Variants in FUBP3 observed in about 807,000 individuals in gnomAD.
FUBP3 encodes far upstream element-binding protein 3.
In FUBP3, 28 loss-of-function variants were observed where a neutral mutation model predicts 85.6. That is an observed-to-expected ratio of 0.33 (90% CI 0.24 to 0.45). FUBP3 has a LOEUF of 0.45. Among genes scored for constraint, FUBP3 ranks in the 20% least tolerant of loss-of-function variants. The pLI, the probability that FUBP3 is intolerant of heterozygous loss-of-function variation, is 1.00. For synonymous variants in FUBP3, 271 were observed against 271.4 expected (o/e 1.00, Z 0.01); for missense variants, 583 against 755.1 (o/e 0.77, Z 2.67).
At chr9:130,634,235 CTG>C (rs1830328121) in intron 16 of FUBP3, among the ~76,000 whole-genome samples, 1 of 152,242 alleles carries the variant, frequency 6.6e-6, no homozygotes, top group Non-Finnish European at 1.5e-5. Flanking sequence ...CAGGAGCCCA[CTG>C]GTGCTGCCTA....
chr9:130,631,394 G>A, intron 13 of FUBP3, 163 bp from the exon 14 acceptor site: 1 of 1,325,358 alleles, frequency 7.5e-7, no homozygotes, highest in Non-Finnish European at 1.0e-6. Context: ...CATTTCTGCA[G>A]CGCAGCCTGC....
At chr9:130,615,319 A>G (rs772612236) in intron 6 of FUBP3, among the ~76,000 whole-genome samples, 5 of 152,222 alleles carry the variant, frequency 3.3e-5, no homozygotes, top group Non-Finnish European at 7.3e-5. Context: ...AAGACTACAA[A>G]AGGCAACATC....
rs11788997 is a variant in FUBP3 at position 130,589,707 on chromosome 9, T to A, written c.85-5776T>A. 1.0e-2 allele frequency among the ~76,000 whole-genome samples: 545 copies of A among 54,694 alleles called. 2 individuals carry two copies. The highest frequency in any genetic ancestry group is 0.018 in the Middle Eastern group (2 of 112). 35.9% of individuals were successfully genotyped at this position (54,694 alleles called of 152,430 possible). On this transcript the variant is annotated intron_variant, in intron 1 of 18. Transcript: ENST00000319725. ...TATATATATATATATATATATATATTTTTTTTTTTTTTTTTTTTTTTAAGA... is the reference window on the plus strand; with the variant it reads ...TATATATATATATATATATATATATATTTTTTTTTTTTTTTTTTTTTAAGA...
intron 11 of FUBP3, among the ~76,000 whole-genome samples, chr9:130,625,873 T>C (rs1381257328): frequency 1.3e-5 from 2 of 152,184 alleles, no homozygotes; most frequent in Non-Finnish European, 2.9e-5. Context: ...TAAAATCCGT[T>C]TATCCTTCTT....
At chr9:130,592,948 TGAAAGGG>T (rs1830701612) in intron 1 of FUBP3, among the ~76,000 whole-genome samples, 1 of 152,166 alleles carries the variant, frequency 6.6e-6, no homozygotes, top group Non-Finnish European at 1.5e-5. Flanking sequence ...CACCATGACC[TGAAAGGG>T]TCCAGTGTGA....
intron 18 of FUBP3, 120 bp from the exon 19 acceptor site, chr9:130,636,894 C>G (rs1157815413): frequency 1.2e-6 from 1 of 834,268 alleles, no homozygotes; most frequent in Non-Finnish European, 2.1e-6. Context: ...AGCCCAAGAC[C>G]TCTTCAGCAG....
chr9:130,615,840 G>A (rs538204280), intron 6 of FUBP3, among the ~76,000 whole-genome samples: 1 of 152,280 alleles, frequency 6.6e-6, no homozygotes, highest in Non-Finnish European at 1.5e-5. Context: ...AGTGTTGTTG[G>A]TTATGAAGAA....
Position 130,631,945 on chromosome 9 carries a change from C to A in FUBP3, c.1356C>A (p.Thr452=). 6.2e-7 allele frequency: 1 copy of A among 1,610,286 alleles called. No homozygotes were observed. The highest frequency in any genetic ancestry group is 8.5e-7 in the Non-Finnish European group (1 of 1,176,420). Residue 452 remains threonine, a synonymous_variant, in exon 15 of 19, where the codon ACC becomes ACA. Transcript: ENST00000319725. Reference sequence around the variant, plus strand: ...TGTTTCTTTTACCTTTTCCCAGTACCTTTCCTCCAAGGAGCTCCGGGTGCT... The same window carrying A: ...TGTTTCTTTTACCTTTTCCCAGTACATTTCCTCCAAGGAGCTCCGGGTGCT... The part of the protein sequence containing the change: ...SQPPAPPHQN[T]FPPRSSGCFP...
At chr9:130,603,657 C>CA (rs1316978570) in intron 2 of FUBP3, among the ~76,000 whole-genome samples, 4 of 152,204 alleles carry the variant, frequency 2.6e-5, no homozygotes, top group African/African-American at 9.6e-5. Context: ...TCATTTTCCA[C>CA]AAAAATGAAT....
chr9:130,634,632 C>T (rs770955885), intron 16 of FUBP3, 35 bp from the exon 17 acceptor site: 16 of 1,592,912 alleles, frequency 1.0e-5, no homozygotes, highest in African/African-American at 9.4e-5. Flanking sequence ...GTGAGGAGCC[C>T]GTAAGGCCTG....
At chr9:130,608,489 A>G (rs535473421) in intron 2 of FUBP3, among the ~76,000 whole-genome samples, 4 of 152,180 alleles carry the variant, frequency 2.6e-5, no homozygotes, top group Non-Finnish European at 5.9e-5. Flanking sequence ...CTCAGCCCCA[A>G]CATTATTCAG....
chr9:130,629,684 A>T (rs1467197550), intron 12 of FUBP3, among the ~76,000 whole-genome samples: 2 of 152,176 alleles, frequency 1.3e-5, no homozygotes, highest in Admixed American at 6.5e-5. Flanking sequence ...GACTGTGGGC[A>T]TGGAGGAGGG....
intron 1 of FUBP3, among the ~76,000 whole-genome samples, chr9:130,589,962 T>C (rs1210460901): frequency 7.0e-6 from 1 of 142,958 alleles, no homozygotes; most frequent in African/African-American, 2.6e-5. Context: ...ACGATCCTCC[T>C]ACCCCAGCCT....
At position 130,620,335 on chromosome 9, in the gene FUBP3, TTTG is replaced by T. The variant is rs1161963631; in HGVS notation, c.667-16_667-14del. ...TCAGGAATTTTTTCTCATAATGCTT[TTTG>T]TTTGTGTTTATGCAGCAAGCAAGAG... On this transcript the variant is annotated splice_polypyrimidine_tract_variant and intron_variant, in intron 8 of 18. Transcript: ENST00000319725. 1 of 1,423,372 alleles carries T rather than the reference TTTG, an allele frequency of 7.0e-7. No individual in the cohort carries two copies. Among genetic ancestry groups the T allele is most frequent in the Non-Finnish European group, 9.7e-7 (1 of 1,032,012 alleles). The allele number at this position is 1,423,372 out of a possible 1,614,324, so 88.2% of individuals were successfully genotyped here. A position where few individuals can be genotyped will look rare whatever the true frequency, so the allele number is the denominator to read the frequency against.
At chr9:130,633,575 C>A (rs1220568514) in intron 16 of FUBP3, among the ~76,000 whole-genome samples, 2 of 152,174 alleles carry the variant, frequency 1.3e-5, no homozygotes, top group Non-Finnish European at 2.9e-5. Flanking sequence ...CATTGGGCAG[C>A]CTTCATCTCA....
chr9:130,613,146 A>C (rs999610478), intron 5 of FUBP3, 119 bp downstream of exon 5: 3 of 659,982 alleles, frequency 4.5e-6, no homozygotes, highest in Non-Finnish European at 8.0e-6. Flanking sequence ...TTTTCCTTGC[A>C]CTTTGGGAGT....
In FUBP3 at chr9:130,637,602, T is replaced by A. The variant is rs1206586331; in HGVS notation, c.*580T>A. 2 of 153,472 alleles carry A rather than the reference T, an allele frequency of 1.3e-5. No homozygotes were observed. The highest frequency in any genetic ancestry group is 4.8e-5 in the African/African-American group (2 of 41,460). 9.5% of individuals were successfully genotyped at this position (153,472 alleles called of 1,614,324 possible). A position where few individuals can be genotyped will look rare whatever the true frequency, so the allele number is the denominator to read the frequency against. On this transcript the variant is annotated 3_prime_UTR_variant, in exon 19 of 19. Transcript: ENST00000319725. ...GAACTGAGACAGATAATTGTATTGC[T>A]GTCCAACAGGGGTTGGGAGGGGCAT...
intron 18 of FUBP3, 54 bp downstream of exon 18, chr9:130,636,180 C>T: frequency 1.3e-6 from 2 of 1,571,894 alleles, no homozygotes; most frequent in African/African-American, 2.7e-5. Context: ...AGCCCCTGCT[C>T]CCAAGCCTTC....
chr9:130,635,213 C>T lies in FUBP3; in HGVS notation c.1582+475C>T, dbSNP rs1353023926. 6.6e-6 allele frequency among the ~76,000 whole-genome samples: 1 copy of T among 152,132 alleles called. No homozygotes were observed. The highest frequency in any genetic ancestry group is 1.5e-5 in the Non-Finnish European group (1 of 68,034). ...CATTGGAGCTGGGTGCTTAGTTTCT[C>T]TTCTTAAGTAGGCCCGTTTTCTAAC... is the stretch of plus-strand genomic sequence containing the variant. On this transcript the variant is annotated intron_variant, in intron 17 of 18. Coordinates refer to ENST00000319725, the MANE Select transcript of FUBP3 (RefSeq NM_003934.2). This position sits in a 1 kb window ranked among gnomAD's most constrained non-coding sequence, Gnocchi z 4.3.
Sources: gnomAD v4.1 joint callset for allele counts (sites outside exome capture counted in the v4.1 genomes callset) on GRCh38, gnomAD v4.1.1 for gene constraint, Gnocchi (gnomAD v3.1) non-coding constraint, MANE v1.5 for transcripts, NCBI Gene and HGNC (gene_info 2026-07-23, HGNC 2026-07-21) for gene names.